OSCAR: variants seen among roughly 807,000 people sequenced by gnomAD.
OSCAR encodes the protein osteoclast associated Ig-like receptor, also known as osteoclast-associated immunoglobulin-like receptor.
OSCAR carries 25 observed loss-of-function variants against 27.3 expected under a neutral mutation model. The observed-to-expected ratio is 0.92, with a 90% CI of 0.67 to 1.28. OSCAR has a LOEUF of 1.28. OSCAR is among the 50% of genes most tolerant of loss of function. The probability of loss-of-function intolerance (pLI) is 0.00; values close to 1 mark genes in which losing one functional copy is unlikely to be tolerated. For synonymous variants in OSCAR, 158 were observed against 165.7 expected (o/e 0.95, Z 0.36); for missense variants, 354 against 355.1 (o/e 1.00, Z 0.03).
intron 3 of OSCAR, 74 bp from the exon 4 acceptor site, chr19:54,096,227 C>T (rs1333298232): frequency 7.8e-7 from 1 of 1,289,750 alleles, no homozygotes. Flanking sequence ...TTCTCCTTCT[C>T]CTCTGTCTCT....
chr19:54,096,898 A>G lies in OSCAR; in HGVS notation c.337T>C (p.Ser113Pro). ...RRPDWGPGVW[S>P]QPSDVLELLV... ...AGCTCCAGGACATCGCTGGGCTGGG[A>G]CCAGACACCCGGCCCCCAGTCTGGC... is the stretch of plus-strand genomic sequence containing the variant. The change falls in exon 3 of 5, where the codon TCC becomes CCC. Residue 113 changes from serine to proline, a missense_variant. Transcript: ENST00000358375. 1 of 1,613,866 alleles carries G rather than the reference A, an allele frequency of 6.2e-7. No homozygotes were observed. Among genetic ancestry groups the G allele is most frequent in the Non-Finnish European group, 8.5e-7 (1 of 1,179,926 alleles).
chr19:54,098,292 C>T (rs926627119), intron 2 of OSCAR, among the ~76,000 whole-genome samples: 3 of 152,040 alleles, frequency 2.0e-5, no homozygotes, highest in Admixed American at 6.6e-5. Flanking sequence ...CTGTTGGGTC[C>T]GGTGGCTCAC....
intron 1 of OSCAR, among the ~76,000 whole-genome samples, 158 bp downstream of exon 1, chr19:54,100,598 T>TA (rs1568548656): frequency 6.6e-6 from 1 of 152,232 alleles, no homozygotes; most frequent in African/African-American, 2.4e-5. Flanking sequence ...TCTCTTGCTT[T>TA]AGGACCCAGG....
intron 2 of OSCAR, among the ~76,000 whole-genome samples, chr19:54,098,170 C>T (rs1192805888): frequency 8.5e-5 from 13 of 152,058 alleles, no homozygotes; most frequent in African/African-American, 3.1e-4. Flanking sequence ...ATTAATTTGA[C>T]CACTTCAAAT....
In OSCAR at chr19:54,096,940, G is replaced by T; in HGVS notation, c.295C>A (p.Arg99Ser). Reference sequence around the variant, plus strand: ...CAGTCTGGCCTTCGGTAGCAGCAGCGGTAACTTCCCCCTTGGGCTGGAGTC... The same window carrying T: ...CAGTCTGGCCTTCGGTAGCAGCAGCTGTAACTTCCCCCTTGGGCTGGAGTC... ...EVTPAQGGSYRCCYRRPDWGP... is the reference protein window; with the variant it reads ...EVTPAQGGSYSCCYRRPDWGP... Residue 99 changes from arginine (R) to serine (S), a missense_variant, in exon 3 of 5, where the codon CGC becomes AGC. Physicochemically the swap from Arg to Ser is moderately radical, Grantham distance 110. Coordinates refer to ENST00000358375, the MANE Select transcript of OSCAR (RefSeq NM_133169.6). 1 of 1,614,118 alleles carries T rather than the reference G, an allele frequency of 6.2e-7. No individual in the cohort carries two copies. The highest frequency in any genetic ancestry group is 8.5e-7 in the Non-Finnish European group (1 of 1,180,022).
At chr19:54,097,583 A>ATTTT (rs1264021582) in intron 2 of OSCAR, among the ~76,000 whole-genome samples, 1 of 51,330 alleles carries the variant, frequency 1.9e-5, no homozygotes, top group African/African-American at 9.2e-5. Context: ...CCACACCCAG[A>ATTTT]CTTTTTTTTT....
intron 4 of OSCAR, 122 bp from the exon 5 acceptor site, chr19:54,095,479 AG>A (rs1255034964): frequency 2.1e-6 from 3 of 1,448,618 alleles, no homozygotes; most frequent in Non-Finnish European, 9.1e-7. Flanking sequence ...CTCAAAGTTG[AG>A]GGGGAGTCGA....
In OSCAR at chr19:54,099,764, T is replaced by C; in HGVS notation, c.54A>G (p.Thr18=). The C allele has an allele frequency of 6.2e-7, 1 of 1,613,292 alleles. No individual in the cohort carries two copies. The highest frequency in any genetic ancestry group is 8.5e-7 in the Non-Finnish European group (1 of 1,179,784). Reference sequence around the variant, plus strand: ...GCTACTCACCAGACGGAGTGATGTCTGTGTGACACAGAGGCCCTGTAGGAG... The same window carrying C: ...GCTACTCACCAGACGGAGTGATGTCCGTGTGACACAGAGGCCCTGTAGGAG... ...QLLTLWPLCH[T]DITPSVPPAS... The change falls in exon 2 of 5, where the codon ACA becomes ACG. Residue 18 remains threonine, a synonymous_variant. Coordinates refer to ENST00000358375, the MANE Select transcript of OSCAR (RefSeq NM_133169.6).
At position 54,097,175 on chromosome 19, in the gene OSCAR, G is replaced by A; in HGVS notation, c.71-11C>T. ...ATGAAGCTGGGGGGACTGAATAAAC[G>A]GGGCTGCCTGGGTCCTCGGGCCTCC... is the stretch of plus-strand genomic sequence containing the variant. On this transcript the variant is annotated splice_polypyrimidine_tract_variant and intron_variant, in intron 2 of 4. Transcript: ENST00000358375. 2.5e-6 allele frequency: 4 copies of A among 1,598,124 alleles called. No homozygotes were observed. Among genetic ancestry groups the A allele is most frequent in the Non-Finnish European group, 2.6e-6 (3 of 1,169,368 alleles).
intron 2 of OSCAR, among the ~76,000 whole-genome samples, chr19:54,097,665 A>G (rs587603885): frequency 1.5e-5 from 2 of 137,224 alleles, no homozygotes; most frequent in African/African-American, 2.8e-5. Context: ...CATGTTCTCA[A>G]CTCACTGCAG....
At chr19:54,095,516 G>T in intron 4 of OSCAR, 159 bp from the exon 5 acceptor site, 2 of 1,410,054 alleles carry the variant, frequency 1.4e-6, no homozygotes, top group South Asian at 3.0e-5. Context: ...CTGGGTCCAG[G>T]AAGAAGGGGC....
Position 54,095,148 on chromosome 19 carries a change from G to A in OSCAR, c.*73C>T. On this transcript the variant is annotated 3_prime_UTR_variant, in exon 5 of 5. Transcript: ENST00000358375. ...AGCAGGACTGTGGGGCTGCAGGAAAGGACAGTCCAGCCCAGGGTCCCAGCT... is the reference window on the plus strand; with the variant it reads ...AGCAGGACTGTGGGGCTGCAGGAAAAGACAGTCCAGCCCAGGGTCCCAGCT... The A allele has an allele frequency of 6.5e-7, 1 of 1,543,242 alleles. No homozygotes were observed. The highest frequency in any genetic ancestry group is 8.7e-7 in the Non-Finnish European group (1 of 1,143,484).
chr19:54,096,187 G>A (rs1018680961), intron 3 of OSCAR, 34 bp from the exon 4 acceptor site: 12 of 1,460,052 alleles, frequency 8.2e-6, no homozygotes, highest in Admixed American at 2.6e-5. Context: ...GGGGCCGCGT[G>A]AGCGTCTTCC....
chr19:54,097,880 T>C (rs587734206), intron 2 of OSCAR, among the ~76,000 whole-genome samples: 307 of 151,894 alleles, frequency 2.0e-3, no homozygotes, highest in Non-Finnish European at 3.6e-3. Flanking sequence ...GGATTACAGG[T>C]GTGAGCCACC....
intron 3 of OSCAR, 106 bp downstream of exon 3, chr19:54,096,756 G>GA: frequency 8.0e-7 from 1 of 1,244,166 alleles, no homozygotes; most frequent in Middle Eastern, 2.8e-4. Flanking sequence ...TTGTGTCTGT[G>GA]AATCTGTTTG....
chr19:54,096,833 A>AC, intron 3 of OSCAR, 29 bp downstream of exon 3: 1 of 1,599,406 alleles, frequency 6.3e-7, no homozygotes, highest in Non-Finnish European at 8.5e-7. Flanking sequence ...TGTTCCACCC[A>AC]CTTCTCCTCC....
intron 1 of OSCAR, among the ~76,000 whole-genome samples, chr19:54,100,109 T>A (rs10410214): frequency 7.9e-5 from 12 of 151,910 alleles, no homozygotes; most frequent in South Asian, 4.1e-4. Context: ...CATGAGCCGC[T>A]GCGCCCAACA....
At chr19:54,099,229 A>ATTTTTTTTTTTTTTTTTTTT (rs1228940404) in intron 2 of OSCAR, among the ~76,000 whole-genome samples, 60 of 82,408 alleles carry the variant, frequency 7.3e-4, no homozygotes, top group Admixed American at 1.6e-3. Context: ...CACCCGGCTA[A>ATTTTTTTTTTTTTTTTTTTT]TTTTTTTTTT....
At chr19:54,099,882 A>G (rs661676) in intron 1 of OSCAR, 102 bp from the exon 2 acceptor site, 144,276 of 1,344,170 alleles carry the variant, frequency 0.11, 8,155 homozygotes, top group African/African-American at 0.14. Context: ...GTGTGATCTC[A>G]GCTCACTGCA....
Sources: allele counts gnomAD v4.1 joint callset (sites outside exome capture counted in the v4.1 genomes callset), GRCh38; gene constraint gnomAD v4.1.1; transcripts MANE v1.5; gene names NCBI Gene and HGNC (gene_info 2026-07-23, HGNC 2026-07-21).